FSTL5: variants seen among roughly 807,000 people sequenced by gnomAD.
The protein encoded by FSTL5 is follistatin like 5.
FSTL5 carries 62 observed loss-of-function variants against 89.1 expected under a neutral mutation model. The observed-to-expected ratio is 0.70, with a 90% CI of 0.57 to 0.86. The LOEUF (loss-of-function observed/expected upper bound fraction) is 0.86, where lower values mean the gene tolerates loss of function less well. Among genes scored for constraint, FSTL5 ranks in the 40% least tolerant of loss-of-function variants. The pLI is 0.00. For synonymous variants in FSTL5, 383 were observed against 346.2 expected (o/e 1.11, Z -1.18); for missense variants, 1,057 against 1,001.6 (o/e 1.06, Z -0.75).
At chr4:161,744,973 C>A (rs1194572377) in intron 6 of FSTL5, among the ~76,000 whole-genome samples, 3 of 150,858 alleles carry the variant, frequency 2.0e-5, no homozygotes, top group African/African-American at 4.9e-5. Context: ...AATCTCAGAT[C>A]AATTTATTCT....
chr4:162,088,216 TTAA>T (rs1008503231), intron 2 of FSTL5, among the ~76,000 whole-genome samples: 2 of 85,632 alleles, frequency 2.3e-5, no homozygotes, highest in Non-Finnish European at 5.1e-5. Context: ...TTGTGACTTA[TTAA>T]TAATATATAA....
At chr4:161,609,329 T>C (rs1317151365) in intron 7 of FSTL5, among the ~76,000 whole-genome samples, 6 of 152,184 alleles carry the variant, frequency 3.9e-5, no homozygotes, top group African/African-American at 1.4e-4. Flanking sequence ...ACTAGATTTA[T>C]TACTAAGCGA....
At chr4:161,912,440 TAGTG>T (rs764044724) in intron 4 of FSTL5, among the ~76,000 whole-genome samples, 12 of 152,250 alleles carry the variant, frequency 7.9e-5, no homozygotes, top group South Asian at 2.1e-4. Context: ...ATTCTCATGA[TAGTG>T]AGTAAGTCTC....
intron 6 of FSTL5, among the ~76,000 whole-genome samples, chr4:161,657,630 C>A (rs1736563336): frequency 6.6e-6 from 1 of 152,126 alleles, no homozygotes; most frequent in Non-Finnish European, 1.5e-5. Context: ...GTCTCTATTT[C>A]TTAATCCTGT....
At chr4:161,687,045 TTAAA>T (rs1737772897) in intron 6 of FSTL5, among the ~76,000 whole-genome samples, 1 of 152,100 alleles carries the variant, frequency 6.6e-6, no homozygotes, top group South Asian at 2.1e-4. Context: ...ATTTTGAAAA[TTAAA>T]TAAGTGAAAA....
chr4:161,641,039 A>C (rs142913836), intron 7 of FSTL5, among the ~76,000 whole-genome samples: 105 of 152,328 alleles, frequency 6.9e-4, no homozygotes, highest in Middle Eastern at 3.4e-3. Context: ...CCAACCAGTA[A>C]TCCTATATCT....
intron 5 of FSTL5, 31 bp from the exon 6 acceptor site, chr4:161,759,562 G>A (rs1740710395): frequency 1.5e-6 from 2 of 1,338,730 alleles, no homozygotes; most frequent in Non-Finnish European, 2.0e-6. Flanking sequence ...CATACCTTTA[G>A]ATTTGTGTCT....
intron 4 of FSTL5, among the ~76,000 whole-genome samples, chr4:161,837,318 C>G (rs951172962): frequency 1.3e-5 from 2 of 151,692 alleles, no homozygotes; most frequent in Admixed American, 6.6e-5. Context: ...AATTGACTAA[C>G]AAGTGTTAGG....
intron 6 of FSTL5, among the ~76,000 whole-genome samples, chr4:161,692,141 AAATT>A (rs1737963168): frequency 6.6e-6 from 1 of 152,098 alleles, no homozygotes; most frequent in African/African-American, 2.4e-5. Context: ...AAAGTGGGCA[AAATT>A]GTCTCTTTTC....
rs906305017 is a variant in FSTL5 at position 161,939,146 on chromosome 4, T to C, written c.161-18494A>G. On this transcript the variant is annotated intron_variant, in intron 3 of 15. Transcript: ENST00000306100. ...TTGATAAAATAATTTAATTACTACATTGTACTACATGCCACTATTTTCTAT... is the reference window on the plus strand; with the variant it reads ...TTGATAAAATAATTTAATTACTACACTGTACTACATGCCACTATTTTCTAT... 1.1e-4 allele frequency among the ~76,000 whole-genome samples: 16 copies of C among 152,084 alleles called. No individual in the cohort carries two copies. In the East Asian group the frequency reaches 2.9e-3, roughly 28 times the overall value.
chr4:161,911,927 G>T (rs1018318665), intron 4 of FSTL5, among the ~76,000 whole-genome samples: 1 of 152,012 alleles, frequency 6.6e-6, no homozygotes, highest in African/African-American at 2.4e-5. Flanking sequence ...AAGGTACAAA[G>T]CTTTTCACTT....
intron 7 of FSTL5, among the ~76,000 whole-genome samples, chr4:161,604,789 C>T (rs1734379528): frequency 6.6e-6 from 1 of 152,158 alleles, no homozygotes; most frequent in Admixed American, 6.5e-5. Flanking sequence ...AGCCTAGGGA[C>T]TGCCTAGGTT....
At chr4:162,036,114 G>A (rs149031626) in intron 2 of FSTL5, among the ~76,000 whole-genome samples, 16 of 152,046 alleles carry the variant, frequency 1.1e-4, no homozygotes, top group Non-Finnish European at 1.8e-4. Flanking sequence ...TAGCAATCTC[G>A]TCTAATCTCT....
At chr4:161,647,502 T>G (rs1177161941) in intron 7 of FSTL5, among the ~76,000 whole-genome samples, 3 of 149,576 alleles carry the variant, frequency 2.0e-5, no homozygotes, top group Non-Finnish European at 4.4e-5. Context: ...ATTTCAGGAT[T>G]GTTGCTTTTA....
In FSTL5 at chr4:161,904,658, C is replaced by G. The variant is rs114843230; in HGVS notation, c.409+15746G>C. ...ACAGAAAAAAAATCACAATAATCCC[C>G]CAAAATATGTAAACATCTTTACTTA... On this transcript the variant is annotated intron_variant, in intron 4 of 15. Coordinates refer to ENST00000306100, the MANE Select transcript of FSTL5 (RefSeq NM_020116.5). 6.3e-3 allele frequency among the ~76,000 whole-genome samples: 946 copies of G among 151,164 alleles called. 15 individuals carry two copies. The highest frequency in any genetic ancestry group is 0.022 in the African/African-American group (910 of 41,302).
At position 161,557,045 on chromosome 4, in the gene FSTL5, T is replaced by C. The variant is rs370339518; in HGVS notation, c.1016-14352A>G. On this transcript the variant is annotated intron_variant, in intron 8 of 15. Coordinates refer to ENST00000306100, the MANE Select transcript of FSTL5 (RefSeq NM_020116.5). ...CTACTTGTACTTGGAAGTTCTCATG[T>C]AATACTGAGCTACAAAATTAATTTG... Among the ~76,000 whole-genome samples the C allele has an allele frequency of 4.6e-5, 7 of 151,538 alleles. No homozygotes were observed. The East Asian group carries it at 1.2e-3, about 25-fold the overall frequency.
In FSTL5 at chr4:161,538,324, C is replaced by T. The variant is rs533762395; in HGVS notation, c.1178-24G>A. 9 of 1,612,794 alleles carry T rather than the reference C, an allele frequency of 5.6e-6. No individual in the cohort carries two copies. The South Asian group carries it at 8.8e-5, about 16-fold the overall frequency. On this transcript the variant is annotated intron_variant, in intron 9 of 15. Coordinates refer to ENST00000306100, the MANE Select transcript of FSTL5 (RefSeq NM_020116.5). ...TGCTGAAAAAAGAAGGGAAATGCAA[C>T]TTGTAAACTACAATTTCAGTTTTGG... is the stretch of plus-strand genomic sequence containing the variant.
At chr4:162,136,766 A>C (rs2111469989) in intron 1 of FSTL5, among the ~76,000 whole-genome samples, 1 of 152,224 alleles carries the variant, frequency 6.6e-6, no homozygotes, top group South Asian at 2.1e-4. Flanking sequence ...TTATATAGAA[A>C]GAAAACAGAC....
intron 3 of FSTL5, among the ~76,000 whole-genome samples, chr4:161,932,264 T>C (rs778236427): frequency 1.6e-4 from 24 of 152,126 alleles, no homozygotes; most frequent in Admixed American, 6.6e-4. Context: ...TCTGTTGTGA[T>C]GGTTCTCTAA....
Sources: allele counts gnomAD v4.1 joint callset (sites outside exome capture counted in the v4.1 genomes callset), GRCh38; gene constraint gnomAD v4.1.1; transcripts MANE v1.5; gene names NCBI Gene and HGNC (gene_info 2026-07-23, HGNC 2026-07-21).